TUSC3: variants seen among roughly 807,000 people sequenced by gnomAD.
TUSC3 encodes dolichyl-diphosphooligosaccharide--protein glycosyltransferase subunit TUSC3.
TUSC3 carries 45 observed loss-of-function variants against 44.8 expected under a neutral mutation model. The observed-to-expected ratio is 1.00, with a 90% CI of 0.79 to 1.29. The LOEUF (loss-of-function observed/expected upper bound fraction) is 1.29, where lower values mean the gene tolerates loss of function less well. Among genes scored for constraint, TUSC3 ranks in the 50% most tolerant of loss-of-function variants. The pLI, the probability that TUSC3 is intolerant of heterozygous loss-of-function variation, is 0.00. For synonymous variants in TUSC3, 212 were observed against 152.9 expected (o/e 1.39, Z -2.85); for missense variants, 519 against 437.9 (o/e 1.19, Z -1.65).
chr8:15,636,399 C>T (rs117607789), intron 2 of TUSC3, among the ~76,000 whole-genome samples: 1,792 of 152,116 alleles, frequency 0.012, 20 homozygotes, highest in Non-Finnish European at 0.021. Flanking sequence ...TTAAATATAC[C>T]ATTTCCACAA....
At chr8:15,840,459 T>C in the TUSC3 span, among the ~76,000 whole-genome samples, 3 of 152,214 alleles carry the variant, frequency 2.0e-5, no homozygotes, top group East Asian at 5.8e-4. Flanking sequence ...CTTTGAGATA[T>C]GTAGCAAGAA....
chr8:15,848,063 G>A, the TUSC3 span, among the ~76,000 whole-genome samples: 1 of 152,026 alleles, frequency 6.6e-6, no homozygotes, highest in East Asian at 1.9e-4. Context: ...ACTATAGGAG[G>A]GTACTGGATG....
chr8:15,679,797 C>A (rs892731698), intron 6 of TUSC3, among the ~76,000 whole-genome samples: 1 of 152,070 alleles, frequency 6.6e-6, no homozygotes, highest in Non-Finnish European at 1.5e-5. Context: ...GAGTTTCATT[C>A]TTTTGCATAT....
chr8:15,632,199 T>A (rs1041260818), intron 2 of TUSC3, among the ~76,000 whole-genome samples: 9 of 152,216 alleles, frequency 5.9e-5, no homozygotes, highest in Admixed American at 1.3e-4. Flanking sequence ...GTTACACCTC[T>A]TTCTTTTAAT....
intron 2 of TUSC3, among the ~76,000 whole-genome samples, chr8:15,505,814 A>G (rs1028702311): frequency 1.2e-4 from 18 of 152,294 alleles, no homozygotes; most frequent in East Asian, 1.9e-4. Context: ...TAGTGAATAC[A>G]TGAAAAAATT....
At chr8:15,676,799 A>G (rs1279209804) in intron 6 of TUSC3, among the ~76,000 whole-genome samples, 1 of 152,178 alleles carries the variant, frequency 6.6e-6, no homozygotes, top group East Asian at 1.9e-4. Context: ...AGAAACTTAG[A>G]TGTAATTTTG....
intron 6 of TUSC3, among the ~76,000 whole-genome samples, chr8:15,720,076 A>T (rs1259772145): frequency 5.3e-5 from 8 of 151,892 alleles, no homozygotes; most frequent in Admixed American, 2.0e-4. Context: ...TTGCCACCAC[A>T]CTCAAGTAAT....
At chr8:15,590,025 C>A (rs1803759157) in intron 1 of TUSC3, among the ~76,000 whole-genome samples, 1 of 152,124 alleles carries the variant, frequency 6.6e-6, no homozygotes, top group African/African-American at 2.4e-5. Flanking sequence ...TCTGAAAATT[C>A]CATTTAAATT....
chr8:15,846,877 GAA>G, the TUSC3 span, among the ~76,000 whole-genome samples: 13 of 135,360 alleles, frequency 9.6e-5, no homozygotes, highest in Non-Finnish European at 1.4e-4. Context: ...ATGATAATTT[GAA>G]AAAAAAAAAA....
chr8:15,672,553 A>G (rs185677046), intron 5 of TUSC3, among the ~76,000 whole-genome samples: 1 of 152,164 alleles, frequency 6.6e-6, no homozygotes, highest in African/African-American at 2.4e-5. Context: ...ATAATTTATA[A>G]GCCTCCATTC....
intron 2 of TUSC3, among the ~76,000 whole-genome samples, chr8:15,518,041 C>G (rs1398774924): frequency 1.3e-5 from 2 of 151,802 alleles, no homozygotes; most frequent in African/African-American, 4.8e-5. Flanking sequence ...ACCCCTTTTG[C>G]CAGCCTCCGG....
At chr8:15,547,794 C>G (rs1054470798) in intron 1 of TUSC3, among the ~76,000 whole-genome samples, 1 of 151,326 alleles carries the variant, frequency 6.6e-6, no homozygotes, top group African/African-American at 2.4e-5. Context: ...AGTGCCCTTT[C>G]CATTGCATTA....
chr8:15,546,035 T>C (rs1801850317), intron 1 of TUSC3, among the ~76,000 whole-genome samples: 1 of 151,872 alleles, frequency 6.6e-6, no homozygotes, highest in Admixed American at 6.6e-5. Flanking sequence ...AGTGTAGGAA[T>C]AATGTGTTCC....
intron 2 of TUSC3, among the ~76,000 whole-genome samples, chr8:15,492,090 A>T (rs1283187664): frequency 6.6e-6 from 1 of 152,134 alleles, no homozygotes; most frequent in African/African-American, 2.4e-5. Context: ...ACTTATTTGT[A>T]AACCATTTGT....
chr8:15,777,067 A>G, the TUSC3 span, among the ~76,000 whole-genome samples: 1 of 152,174 alleles, frequency 6.6e-6, no homozygotes, highest in African/African-American at 2.4e-5. Context: ...TAAGTCTTAC[A>G]AGGTTCTTTT....
chr8:15,732,209 G>A (rs1286215255), intron 7 of TUSC3, among the ~76,000 whole-genome samples: 3 of 152,138 alleles, frequency 2.0e-5, no homozygotes, highest in Admixed American at 1.3e-4. Flanking sequence ...GTTTGGCTCT[G>A]TGTCCCTACC....
rs181431760 is a variant in TUSC3, at chr8:15,501,072, T to G, written n.189+17589T>G. On this transcript the variant is annotated intron_variant and non_coding_transcript_variant, in intron 2 of 5. Transcript: ENST00000503191. Reference sequence around the variant, plus strand: ...CCACCCAAGTCTAAGACAGACAGTTTATAAAAACTTAGGACACTGTAAACA... The same window carrying G: ...CCACCCAAGTCTAAGACAGACAGTTGATAAAAACTTAGGACACTGTAAACA... Among the ~76,000 whole-genome samples, 3 of 152,308 alleles carry G rather than the reference T, an allele frequency of 2.0e-5. No individual in the cohort carries two copies. In the East Asian group the frequency reaches 5.8e-4, roughly 29 times the overall value.
chr8:15,520,315 A>C (rs918069093), intron 2 of TUSC3, among the ~76,000 whole-genome samples: 1 of 152,170 alleles, frequency 6.6e-6, no homozygotes, highest in Non-Finnish European at 1.5e-5. Context: ...CTATCATACA[A>C]CTGGATTTTC....
chr8:15,846,368 G>C, the TUSC3 span, among the ~76,000 whole-genome samples: 1 of 152,076 alleles, frequency 6.6e-6, no homozygotes, highest in African/African-American at 2.4e-5. Context: ...TACTGCTACT[G>C]AATATATACC....
Sources: allele counts gnomAD v4.1 joint callset (sites outside exome capture counted in the v4.1 genomes callset), GRCh38; gene constraint gnomAD v4.1.1; transcripts MANE v1.5; gene names NCBI Gene and HGNC (gene_info 2026-07-23, HGNC 2026-07-21).